The following MORC1 variants were observed in gnomAD, a reference collection of about 807,000 sequenced individuals.
The protein encoded by MORC1 is MORC family CW-type zinc finger 1.
Under a neutral mutation model 134.9 loss-of-function variants are expected in MORC1, and 59 were observed. That is an observed-to-expected ratio of 0.44 (90% CI 0.35 to 0.54). MORC1 has a LOEUF of 0.54. MORC1 is among the 20% of genes least tolerant of loss of function. MORC1 has a pLI of 0.00. For synonymous variants in MORC1, 395 were observed against 391.7 expected (o/e 1.01, Z -0.10); for missense variants, 947 against 1,134.5 (o/e 0.83, Z 2.37).
At chr3:109,044,650 A>C (rs1179000352) in intron 14 of MORC1, among the ~76,000 whole-genome samples, 1 of 151,952 alleles carries the variant, frequency 6.6e-6, no homozygotes, top group Admixed American at 6.6e-5. Context: ...GCCTCTTAAA[A>C]ATAAGAGAAA....
intron 25 of MORC1, 83 bp from the exon 26 acceptor site, chr3:108,969,805 T>C: frequency 7.3e-7 from 1 of 1,363,490 alleles, no homozygotes; most frequent in Non-Finnish European, 1.0e-6. Flanking sequence ...ACACAAGCAT[T>C]GAGTATAAAA....
Position 109,034,380 on chromosome 3 carries a change from T to C in MORC1, c.1459+960A>G, listed in dbSNP as rs114307049. On this transcript the variant is annotated intron_variant, in intron 15 of 27. Transcript: ENST00000232603. ...TGTTAGTTACAGATATTAGAGACTG[T>C]CTTTAACTCCCTGCCCCTTTGTGTA... 5.1e-3 allele frequency among the ~76,000 whole-genome samples: 778 copies of C among 152,326 alleles called. 18 individuals carry two copies. Among genetic ancestry groups the C allele is most frequent in the African/African-American group, 0.018 (747 of 41,570 alleles).
Position 109,057,503 on chromosome 3 carries a change from A to G in MORC1, c.1032-17T>C, listed in dbSNP as rs1045684931. 7 of 1,552,430 alleles carry G rather than the reference A, an allele frequency of 4.5e-6. No homozygotes were observed. The highest frequency in any genetic ancestry group is 1.4e-5 in the African/African-American group (1 of 72,248). ...TTTAATTCTCTAGAGTTACATTTAA[A>G]AAGTTTAAAAAGTTGTTTATTAAAT... On this transcript the variant is annotated splice_polypyrimidine_tract_variant and intron_variant, in intron 12 of 27. Transcript: ENST00000232603.
chr3:109,117,350 A>AG (rs1205458618), intron 1 of MORC1, among the ~76,000 whole-genome samples: 9 of 146,100 alleles, frequency 6.2e-5, no homozygotes, highest in African/African-American at 2.0e-4. Flanking sequence ...AAAAAAAAAA[A>AG]AAAGAAACAT....
intron 14 of MORC1, among the ~76,000 whole-genome samples, chr3:109,044,769 ACT>A (rs1178670388): frequency 8.1e-5 from 12 of 148,928 alleles, no homozygotes; most frequent in African/African-American, 3.0e-4. Context: ...ACATGGTGAA[ACT>A]CTGTCTCTAC....
intron 6 of MORC1, among the ~76,000 whole-genome samples, chr3:109,096,755 T>G (rs1204073840): frequency 1.3e-5 from 2 of 152,200 alleles, no homozygotes; most frequent in Non-Finnish European, 2.9e-5. Context: ...TTCACTTCAC[T>G]CTATGAACTC....
intron 20 of MORC1, among the ~76,000 whole-genome samples, chr3:109,004,313 T>C (rs2107530697): frequency 6.6e-6 from 1 of 152,304 alleles, no homozygotes; most frequent in East Asian, 1.9e-4. Context: ...TTTGTGGAAA[T>C]AGTAAAAGGG....
intron 2 of MORC1, among the ~76,000 whole-genome samples, chr3:109,112,862 T>C (rs528441305): frequency 2.4e-4 from 36 of 152,222 alleles, no homozygotes; most frequent in Non-Finnish European, 4.7e-4. Context: ...AGCTTACAAA[T>C]GCTGCTCTAA....
Position 109,072,128 on chromosome 3 carries a change from C to T in MORC1, c.690-2371G>A, listed in dbSNP as rs903687115. On this transcript the variant is annotated intron_variant, in intron 8 of 27. Transcript: ENST00000232603. Reference sequence around the variant, plus strand: ...TAAAACCTGTAAGTGAAATGGGCCACGTCATTATAAACGTCAAACTTTTTA... The same window carrying T: ...TAAAACCTGTAAGTGAAATGGGCCATGTCATTATAAACGTCAAACTTTTTA... Among the ~76,000 whole-genome samples the T allele has an allele frequency of 3.9e-5, 6 of 152,266 alleles. 1 individual carries two copies. The highest frequency in any genetic ancestry group is 4.2e-4 in the South Asian group (2 of 4,816).
rs1947140232 is a variant in MORC1, at chr3:108,963,582, A to G, written c.2631T>C (p.Tyr877=). Residue 877 remains tyrosine, a synonymous_variant, in exon 27 of 28, where the codon TAT becomes TAC. Transcript: ENST00000232603. ...GCAATTTCCTCTTTATTTTTTTTTCATATTGGACCATGTAAGTATTCTGTA... is the reference window on the plus strand; with the variant it reads ...GCAATTTCCTCTTTATTTTTTTTTCGTATTGGACCATGTAAGTATTCTGTA... ...NQIQNTYMVQ[Y]EKKIKRKLQS... The G allele has an allele frequency of 1.3e-6, 2 of 1,571,696 alleles. No individual in the cohort carries two copies. Among genetic ancestry groups the G allele is most frequent in the Non-Finnish European group, 1.7e-6 (2 of 1,160,430 alleles).
intron 21 of MORC1, among the ~76,000 whole-genome samples, chr3:108,996,275 T>A (rs868289211): frequency 3.3e-5 from 4 of 121,800 alleles, no homozygotes; most frequent in Non-Finnish European, 7.6e-5. Context: ...TGCGCGTGCG[T>A]GCGCGCGCGC....
chr3:109,014,322 C>T (rs924566272), intron 17 of MORC1, among the ~76,000 whole-genome samples: 3 of 152,084 alleles, frequency 2.0e-5, no homozygotes, highest in Non-Finnish European at 4.4e-5. Flanking sequence ...ATCTGTAGTA[C>T]CTCATACAAG....
chr3:109,081,070 C>T (rs1576721266), intron 8 of MORC1, among the ~76,000 whole-genome samples: 1 of 151,900 alleles, frequency 6.6e-6, no homozygotes, highest in South Asian at 2.1e-4. Context: ...GATTAAAAGA[C>T]TATAAAGAAA....
chr3:109,089,623 G>GA (rs143947602), intron 8 of MORC1, among the ~76,000 whole-genome samples: 9,422 of 152,060 alleles, frequency 0.062, 706 homozygotes, highest in African/African-American at 0.18. Flanking sequence ...TATTTAAAGA[G>GA]AAAAAAATGC....
At chr3:109,106,733 T>A (rs991534506) in intron 3 of MORC1, among the ~76,000 whole-genome samples, 1 of 152,166 alleles carries the variant, frequency 6.6e-6, no homozygotes. Flanking sequence ...ATTTGACCAC[T>A]TTCTCTATCC....
intron 8 of MORC1, among the ~76,000 whole-genome samples, chr3:109,090,290 C>T (rs978714059): frequency 4.6e-5 from 7 of 152,022 alleles, no homozygotes; most frequent in Admixed American, 2.0e-4. Context: ...CAGCCCAAAG[C>T]AGAATGATAA....
chr3:109,093,538 GT>G lies in MORC1; in HGVS notation c.586del (p.Thr196LeufsTer8). The G allele has an allele frequency of 6.2e-7, 1 of 1,603,854 alleles. No individual in the cohort carries two copies. Among genetic ancestry groups the G allele is most frequent in the Non-Finnish European group, 8.5e-7 (1 of 1,171,082 alleles). ...QFDVIYGKCG[T>X]LLVIYNLKLL... is the part of the protein sequence containing the mutation. The stretch of plus-strand genomic sequence containing the variant: ...CTTCAAGTTATAAATAACCAGCAAA[GT>G]ACCTGGTAGAAAAATAGATGTTTGA... On this transcript the variant is annotated frameshift_variant and splice_region_variant, in exon 8 of 28. Transcript: ENST00000232603. LOFTEE classifies it high-confidence loss of function.
At chr3:109,025,098 TA>T (rs2107590768) in intron 17 of MORC1, among the ~76,000 whole-genome samples, 1 of 152,324 alleles carries the variant, frequency 6.6e-6, no homozygotes, top group Admixed American at 6.5e-5. Context: ...TACCATATTA[TA>T]ACTATATGGG....
At chr3:108,985,299 T>A (rs935656274) in intron 22 of MORC1, among the ~76,000 whole-genome samples, 1 of 152,368 alleles carries the variant, frequency 6.6e-6, no homozygotes, top group East Asian at 1.9e-4. Flanking sequence ...CTTGGTGATT[T>A]ATTTCCAGCT....
Sources: allele counts gnomAD v4.1 joint callset (sites outside exome capture counted in the v4.1 genomes callset), GRCh38; gene constraint gnomAD v4.1.1; transcripts MANE v1.5; gene names NCBI Gene and HGNC (gene_info 2026-07-23, HGNC 2026-07-21).